RBFOX1: variants seen among roughly 807,000 people sequenced by gnomAD.
The protein encoded by RBFOX1 is RNA binding protein fox-1 homolog 1.
In RBFOX1, 8 loss-of-function variants were observed where a neutral mutation model predicts 57.7. That is an observed-to-expected ratio of 0.14 (90% CI 0.08 to 0.25). The LOEUF (loss-of-function observed/expected upper bound fraction) is 0.25. RBFOX1 is among the 10% of genes least tolerant of loss of function. The pLI, the probability that RBFOX1 is intolerant of heterozygous loss-of-function variation, is 1.00. For synonymous variants in RBFOX1, 326 were observed against 222.4 expected (o/e 1.47, Z -4.15); for missense variants, 611 against 548.5 (o/e 1.11, Z -1.14).
chr16:5,573,147 C>T (rs1293426699), intron 2 of RBFOX1, among the ~76,000 whole-genome samples: 1 of 152,106 alleles, frequency 6.6e-6, no homozygotes, highest in Non-Finnish European at 1.5e-5. Flanking sequence ...TTATGAAACT[C>T]AAGTTGGGAG....
chr16:6,147,390 C>G (rs1262277930), intron 1 of RBFOX1, among the ~76,000 whole-genome samples: 1 of 152,168 alleles, frequency 6.6e-6, no homozygotes, highest in Non-Finnish European at 1.5e-5. Context: ...CAGTCCCAAG[C>G]ACCCGGGAGC....
At position 5,999,588 on chromosome 16, in the gene RBFOX1, T is replaced by A. The variant is rs183935397; in HGVS notation, c.351+132253T>A. 1.0e-3 allele frequency among the ~76,000 whole-genome samples: 159 copies of A among 152,248 alleles called. 2 individuals are homozygous for A. Among genetic ancestry groups the A allele is most frequent in the Admixed American group, 2.9e-3 (45 of 15,290 alleles). ...CGGGCGCCGCTGGGTGCGGCTGGGC[T>A]TGGTGGCTCACGCCTGTAATCCCGG... On this transcript the variant is annotated intron_variant, in intron 4 of 19. Transcript: ENST00000641259.
rs139494161 is a variant in RBFOX1, at chr16:7,098,895, C to G, written c.27+46797C>G. Among the ~76,000 whole-genome samples, 437 of 152,222 alleles carry G rather than the reference C, an allele frequency of 2.9e-3. 3 individuals are homozygous for G. Among genetic ancestry groups the G allele is most frequent in the Non-Finnish European group, 3.5e-3 (238 of 67,998 alleles). On this transcript the variant is annotated intron_variant, in intron 4 of 15. Coordinates refer to ENST00000550418, the MANE Select transcript of RBFOX1 (RefSeq NM_018723.4). ...TATTTTTTGCAGTAACCCTCAGTTT[C>G]TTCATCTTTAAAATGGGACTGTTAC...
intron 1 of RBFOX1, among the ~76,000 whole-genome samples, chr16:6,219,055 C>T (rs1420676064): frequency 6.6e-6 from 1 of 152,144 alleles, no homozygotes; most frequent in Non-Finnish European, 1.5e-5. Context: ...ACATATTTAT[C>T]TTGAGATACC....
rs191054128 is a variant in RBFOX1, at chr16:6,935,000, A to G, written c.-15-117057A>G. Among the ~76,000 whole-genome samples, 366 of 152,050 alleles carry G rather than the reference A, an allele frequency of 2.4e-3. 3 individuals are homozygous for G. Among genetic ancestry groups the G allele is most frequent in the African/African-American group, 8.6e-3 (358 of 41,470 alleles). ...CAAGTCGGGAGGCTGAGATAGGAGG[A>G]CTGCTTGAGCCCAGGAGGCAGGGGT... On this transcript the variant is annotated intron_variant, in intron 3 of 15. Transcript: ENST00000550418.
chr16:6,722,424 G>C (rs1435856600), intron 3 of RBFOX1, among the ~76,000 whole-genome samples: 6 of 152,196 alleles, frequency 3.9e-5, no homozygotes, highest in Non-Finnish European at 8.8e-5. Flanking sequence ...TATTTGCAGA[G>C]CAGCTGGAAA....
intron 3 of RBFOX1, among the ~76,000 whole-genome samples, chr16:6,803,289 A>T (rs973214333): frequency 6.6e-6 from 1 of 152,200 alleles, no homozygotes; most frequent in African/African-American, 2.4e-5. Flanking sequence ...GAAGGCCCAC[A>T]TCCCAGAACT....
intron 2 of RBFOX1, among the ~76,000 whole-genome samples, chr16:6,463,377 G>C (rs75936117): frequency 0.019 from 2,897 of 152,250 alleles, 85 homozygotes; most frequent in African/African-American, 0.064. Context: ...GTATTAAAGA[G>C]TTTTGCCTAC....
intron 1 of RBFOX1, among the ~76,000 whole-genome samples, chr16:6,123,027 A>T (rs995635011): frequency 6.6e-6 from 1 of 152,198 alleles, no homozygotes; most frequent in African/African-American, 2.4e-5. Flanking sequence ...TTTAACACAC[A>T]TGGCTATCAG....
intron 2 of RBFOX1, among the ~76,000 whole-genome samples, chr16:6,450,827 A>ATACG (rs2094594584): frequency 2.8e-5 from 1 of 35,830 alleles, no homozygotes; most frequent in African/African-American, 1.4e-4. Context: ...ACATATATAT[A>ATACG]TATATATATG....
intron 4 of RBFOX1, among the ~76,000 whole-genome samples, chr16:7,482,361 G>C (rs12448638): frequency 0.37 from 55,955 of 151,828 alleles, 11,784 homozygotes; most frequent in Non-Finnish European, 0.49. Context: ...GCTCAAAGAG[G>C]CTTGTTCAGT....
chr16:5,725,802 G>C (rs1368829135), intron 3 of RBFOX1, among the ~76,000 whole-genome samples: 1 of 152,032 alleles, frequency 6.6e-6, no homozygotes, highest in African/African-American at 2.4e-5. Context: ...TCCCCACTCA[G>C]GGCTGTTCTA....
At chr16:5,243,660 C>T (rs2062225118) in intron 1 of RBFOX1, among the ~76,000 whole-genome samples, 1 of 152,104 alleles carries the variant, frequency 6.6e-6, no homozygotes, top group African/African-American at 2.4e-5. Flanking sequence ...AAAACCACCC[C>T]AGTTGAGAGC....
rs150946181 is a variant in RBFOX1 at position 5,535,724 on chromosome 16, C to T, written c.259-63178C>T. Reference sequence around the variant, plus strand: ...CTTTCATTTTGTATTTTCTGTTTCCCTATCAAGCCAAGTGACAGTGTTTCT... The same window carrying T: ...CTTTCATTTTGTATTTTCTGTTTCCTTATCAAGCCAAGTGACAGTGTTTCT... On this transcript the variant is annotated intron_variant, in intron 2 of 2. Coordinates refer to the RBFOX1 transcript ENST00000585867. 4.3e-3 allele frequency among the ~76,000 whole-genome samples: 657 copies of T among 152,282 alleles called. 4 individuals carry two copies. The highest frequency in any genetic ancestry group is 0.015 in the African/African-American group (626 of 41,550).
intron 2 of RBFOX1, among the ~76,000 whole-genome samples, chr16:6,487,167 T>C (rs1383745244): frequency 6.6e-6 from 1 of 151,780 alleles, no homozygotes; most frequent in East Asian, 1.9e-4. Flanking sequence ...TGTGTGTGTG[T>C]GTGTGTGTGT....
At chr16:6,582,808 C>T (rs1600571707) in intron 2 of RBFOX1, among the ~76,000 whole-genome samples, 1 of 148,186 alleles carries the variant, frequency 6.7e-6, no homozygotes, top group African/African-American at 2.5e-5. Context: ...CTAGCTTCCC[C>T]TCCCCTCCTC....
At chr16:5,519,959 A>T (rs1246090066) in intron 2 of RBFOX1, among the ~76,000 whole-genome samples, 1 of 152,400 alleles carries the variant, frequency 6.6e-6, no homozygotes, top group African/African-American at 2.4e-5. Flanking sequence ...AGCAAGGCAG[A>T]TATATCTCCT....
chr16:7,141,700 G>T (rs757982594), intron 4 of RBFOX1, among the ~76,000 whole-genome samples: 19 of 151,952 alleles, frequency 1.3e-4, no homozygotes, highest in Middle Eastern at 3.2e-3. Context: ...TAGTCTTTTG[G>T]ATCCCTTCTT....
At chr16:5,551,810 G>A (rs542364264) in intron 2 of RBFOX1, among the ~76,000 whole-genome samples, 7 of 150,926 alleles carry the variant, frequency 4.6e-5, no homozygotes, top group Admixed American at 3.3e-4. Flanking sequence ...CCCCCGACAG[G>A]TGCTGGTGTG....
Sources: gnomAD v4.1 joint callset for allele counts (sites outside exome capture counted in the v4.1 genomes callset) on GRCh38, gnomAD v4.1.1 for gene constraint, MANE v1.5 for transcripts, NCBI Gene and HGNC (gene_info 2026-07-23, HGNC 2026-07-21) for gene names.